Variants in SAMD13 observed in about 807,000 individuals in gnomAD.
SAMD13 encodes the protein sterile alpha motif domain containing 13.
Under a neutral mutation model 12.4 loss-of-function variants are expected in SAMD13, and 9 were observed. The observed-to-expected ratio is 0.72, with a 90% CI of 0.44 to 1.26. The LOEUF (loss-of-function observed/expected upper bound fraction) is 1.26. Ranked by LOEUF, SAMD13 falls within the 50% of genes most tolerant of loss-of-function variation. The pLI, the probability that SAMD13 is intolerant of heterozygous loss-of-function variation, is 0.00. For missense variants in SAMD13, 84 were observed against 119.6 expected, an observed-to-expected ratio of 0.70 and a Z score of 1.39; for synonymous variants, 46 against 45.4, an observed-to-expected ratio of 1.01 and a Z score of -0.05.
chr1:84,321,247 C>T (rs1474979720), intron 2 of SAMD13, among the ~76,000 whole-genome samples: 1 of 152,038 alleles, frequency 6.6e-6, no homozygotes, highest in Non-Finnish European at 1.5e-5. Flanking sequence ...TTTATCAATA[C>T]TTGATGTACC....
chr1:84,298,969 CT>C (rs1316715804), upstream of SAMD13, among the ~76,000 whole-genome samples: 1 of 152,168 alleles, frequency 6.6e-6, no homozygotes, highest in Non-Finnish European at 1.5e-5. Context: ...TAGCCAGAAA[CT>C]TTCCCCGCTT....
At chr1:84,309,087 A>AT (rs1180162222) in intron 2 of SAMD13, among the ~76,000 whole-genome samples, 2 of 152,230 alleles carry the variant, frequency 1.3e-5, no homozygotes, top group African/African-American at 4.8e-5. Context: ...AACAGCAGTG[A>AT]TAAACTATAT....
rs925426399 is a variant in SAMD13, at chr1:84,349,772, T to C, written c.307T>C (p.Ter103GlnextTer16). 6.2e-7 allele frequency: 1 copy of C among 1,607,526 alleles called. No individual in the cohort carries two copies. The highest frequency in any genetic ancestry group is 1.3e-5 in the African/African-American group (1 of 74,694). Residue 103 changes from the stop codon to glutamine, a stop_lost, in exon 4 of 4, where the codon TAG becomes CAG. Coordinates refer to ENST00000394834, the MANE Select transcript of SAMD13 (RefSeq NM_001134663.2). ...AAAGCATTTAAAGAACAACTCTTCATAGTACAGTCAAATTGGGGTCTTCGA... is the reference window on the plus strand; with the variant it reads ...AAAGCATTTAAAGAACAACTCTTCACAGTACAGTCAAATTGGGGTCTTCGA... ...QTKHLKNNSS[*>Q]
chr1:84,349,544 G>GA, intron 3 of SAMD13, 87 bp from the exon 4 acceptor site: 2 of 1,524,962 alleles, frequency 1.3e-6, no homozygotes, highest in South Asian at 2.6e-5. Context: ...CAAGTGGTGT[G>GA]ACTTTTACCT....
chr1:84,304,094 C>T lies in SAMD13; in HGVS notation c.53+807C>T, dbSNP rs377452000. On this transcript the variant is annotated intron_variant, in intron 2 of 3. Transcript: ENST00000394834. ...TTGGAGGAAACTAATTAAATATAAT[C>T]CATAGAAGCTGTGATATCTAAATGA... The T allele has an allele frequency of 2.6e-5, 4 of 152,152 alleles. No individual in the cohort carries two copies. In the East Asian group the frequency reaches 7.7e-4, roughly 29 times the overall value. The allele number at this position is 152,152 out of a possible 1,614,324, so 9.4% of individuals were successfully genotyped here.
chr1:84,310,763 A>G (rs1192642803), intron 2 of SAMD13, among the ~76,000 whole-genome samples: 1 of 152,218 alleles, frequency 6.6e-6, no homozygotes, highest in African/African-American at 2.4e-5. Context: ...CAATATTACC[A>G]ACATTGAATT....
chr1:84,298,887 ACTTTC>A (rs1347887137), upstream of SAMD13, among the ~76,000 whole-genome samples: 1 of 151,310 alleles, frequency 6.6e-6, no homozygotes. Flanking sequence ...TCCACCCTCC[ACTTTC>A]CAAAGACCGG....
chr1:84,307,444 C>A (rs928713593), intron 2 of SAMD13, among the ~76,000 whole-genome samples: 1 of 152,174 alleles, frequency 6.6e-6, no homozygotes, highest in Non-Finnish European at 1.5e-5. Flanking sequence ...CCTCTAGCTT[C>A]TTGAACATAT....
At chr1:84,347,081 G>T (rs757090115) in intron 3 of SAMD13, among the ~76,000 whole-genome samples, 6 of 152,214 alleles carry the variant, frequency 3.9e-5, no homozygotes, top group Non-Finnish European at 7.4e-5. Context: ...TTAAGGTGAG[G>T]AAATTGAGAC....
At chr1:84,329,434 T>C (rs1679129410) in intron 3 of SAMD13, among the ~76,000 whole-genome samples, 1 of 152,220 alleles carries the variant, frequency 6.6e-6, no homozygotes, top group South Asian at 2.1e-4. Context: ...TGGTGTGGTC[T>C]CATAGCACAG....
chr1:84,301,690 G>A, upstream of SAMD13: 1 of 985,362 alleles, frequency 1.0e-6, no homozygotes, highest in Non-Finnish European at 1.2e-6. Flanking sequence ...GTGTCAAATT[G>A]TACCTCCTTA....
intron 2 of SAMD13, among the ~76,000 whole-genome samples, chr1:84,321,954 G>C (rs925828149): frequency 1.3e-5 from 2 of 152,204 alleles, no homozygotes; most frequent in Non-Finnish European, 2.9e-5. Flanking sequence ...GTTTATGCCC[G>C]TGGAGACGTG....
At chr1:84,327,872 T>A (rs1679091763) in intron 3 of SAMD13, among the ~76,000 whole-genome samples, 1 of 152,154 alleles carries the variant, frequency 6.6e-6, no homozygotes, top group Admixed American at 6.5e-5. Context: ...TTTTATGAAT[T>A]GTGATGGAAA....
intron 3 of SAMD13, among the ~76,000 whole-genome samples, chr1:84,348,741 G>A (rs1307656568): frequency 1.3e-5 from 2 of 152,138 alleles, no homozygotes; most frequent in Non-Finnish European, 2.9e-5. Context: ...AATACCTGGA[G>A]TGCAGTGTAC....
chr1:84,311,491 A>T (rs1172486614), intron 2 of SAMD13, among the ~76,000 whole-genome samples: 1 of 152,224 alleles, frequency 6.6e-6, no homozygotes, highest in Admixed American at 6.5e-5. Context: ...AAGAACACAG[A>T]TTATTACATT....
At chr1:84,342,374 C>T (rs1457385242) in intron 3 of SAMD13, among the ~76,000 whole-genome samples, 5 of 151,936 alleles carry the variant, frequency 3.3e-5, no homozygotes, top group African/African-American at 1.2e-4. Flanking sequence ...GGAAGAACAA[C>T]ATCAAAAAAA....
At chr1:84,333,801 T>C (rs1474866250) in intron 3 of SAMD13, among the ~76,000 whole-genome samples, 2 of 152,148 alleles carry the variant, frequency 1.3e-5, no homozygotes, top group Non-Finnish European at 2.9e-5. Flanking sequence ...TCTGCATCTA[T>C]TGAGATGACC....
intron 3 of SAMD13, among the ~76,000 whole-genome samples, chr1:84,329,705 C>T (rs747874375): frequency 6.6e-6 from 1 of 152,240 alleles, no homozygotes; most frequent in Non-Finnish European, 1.5e-5. Flanking sequence ...AAATTCTCTT[C>T]TGGCAATCCT....
At chr1:84,317,391 TTTG>T (rs1476379280) in intron 2 of SAMD13, among the ~76,000 whole-genome samples, 2 of 152,134 alleles carry the variant, frequency 1.3e-5, no homozygotes, top group Non-Finnish European at 2.9e-5. Flanking sequence ...CTATCCCTAC[TTTG>T]TTGAGATTTT....
Sources: gnomAD v4.1 joint callset for allele counts (sites outside exome capture counted in the v4.1 genomes callset) on GRCh38, gnomAD v4.1.1 for gene constraint, MANE v1.5 for transcripts, NCBI Gene and HGNC (gene_info 2026-07-23, HGNC 2026-07-21) for gene names.